ACVR1C: variants seen among roughly 807,000 people sequenced by gnomAD.
ACVR1C encodes the protein activin A receptor type 1C.
Under a neutral mutation model 57.9 loss-of-function variants are expected in ACVR1C, and 23 were observed. The observed-to-expected ratio is 0.40, with a 90% CI of 0.29 to 0.56. The LOEUF (loss-of-function observed/expected upper bound fraction) is 0.56. ACVR1C is among the 20% of genes least tolerant of loss of function. The pLI, the probability that ACVR1C is intolerant of heterozygous loss-of-function variation, is 0.50. For synonymous variants in ACVR1C, 214 were observed against 215.3 expected (o/e 0.99, Z 0.05); for missense variants, 480 against 607.9 (o/e 0.79, Z 2.21).
intron 4 of ACVR1C, 114 bp from the exon 5 acceptor site, chr2:157,544,726 C>T: frequency 1.2e-6 from 1 of 826,440 alleles, no homozygotes; most frequent in Non-Finnish European, 1.8e-6. Flanking sequence ...TTAATTGCTT[C>T]AGTGGTAATG....
chr2:157,559,779 G>C (rs1373307411), intron 2 of ACVR1C, among the ~76,000 whole-genome samples: 2 of 152,068 alleles, frequency 1.3e-5, no homozygotes, highest in African/African-American at 4.8e-5. Flanking sequence ...TGAGGGCCTG[G>C]CTGACGAATA....
chr2:157,599,852 C>T (rs550758904), intron 1 of ACVR1C, among the ~76,000 whole-genome samples: 1 of 152,144 alleles, frequency 6.6e-6, no homozygotes, highest in Non-Finnish European at 1.5e-5. Context: ...AAAGAAAAAA[C>T]ACCACAGGAT....
At chr2:157,564,173 C>T (rs1040023794) in intron 2 of ACVR1C, among the ~76,000 whole-genome samples, 1 of 152,142 alleles carries the variant, frequency 6.6e-6, no homozygotes, top group Non-Finnish European at 1.5e-5. Flanking sequence ...TCAGAGTGAA[C>T]AGGTAACCTA....
At chr2:157,610,701 C>G (rs1326970146) in intron 1 of ACVR1C, among the ~76,000 whole-genome samples, 1 of 152,050 alleles carries the variant, frequency 6.6e-6, no homozygotes, top group Admixed American at 6.6e-5. Context: ...TATTGTGTCC[C>G]ATATATTATG....
At chr2:157,554,349 G>A (rs1395215402) in intron 3 of ACVR1C, among the ~76,000 whole-genome samples, 2 of 119,478 alleles carry the variant, frequency 1.7e-5, no homozygotes, top group South Asian at 5.8e-4. Flanking sequence ...GAGAAAGAAA[G>A]AAAGAGAAAG....
At chr2:157,627,016 C>G (rs145552473) in intron 1 of ACVR1C, among the ~76,000 whole-genome samples, 4 of 152,194 alleles carry the variant, frequency 2.6e-5, no homozygotes, top group African/African-American at 9.6e-5. Context: ...TTGCTATGCT[C>G]AAGGTCTCTG....
At chr2:157,554,221 A>AAGAAAGAAAGAAAGAG (rs1558974881) in intron 3 of ACVR1C, among the ~76,000 whole-genome samples, 9 of 112,776 alleles carry the variant, frequency 8.0e-5, no homozygotes, top group Non-Finnish European at 1.1e-4. Flanking sequence ...GAAAGAAAGA[A>AAGAAAGAAAGAAAGAG]AGAAAGAAAG....
chr2:157,603,917 A>G (rs1306202333), intron 1 of ACVR1C, among the ~76,000 whole-genome samples: 1 of 152,124 alleles, frequency 6.6e-6, no homozygotes, highest in East Asian at 1.9e-4. Context: ...ATGGCAAAAA[A>G]ATAGTACAGG....
intron 2 of ACVR1C, among the ~76,000 whole-genome samples, chr2:157,561,448 C>A (rs1166343732): frequency 1.3e-5 from 2 of 152,186 alleles, no homozygotes; most frequent in African/African-American, 4.8e-5. Context: ...CCACTGTCAA[C>A]TGAATGACGT....
At position 157,581,864 on chromosome 2, in the gene ACVR1C, A is replaced by C. The variant is rs140188360; in HGVS notation, c.304+5323T>G. 1.1e-4 allele frequency among the ~76,000 whole-genome samples: 17 copies of C among 152,340 alleles called. No homozygotes were observed. The East Asian group carries it at 3.3e-3, about 29-fold the overall frequency. On this transcript the variant is annotated intron_variant, in intron 2 of 8. Transcript: ENST00000243349. Reference sequence around the variant, plus strand: ...TGTCTACTTTTCAGAGTACATTTCTATATTTCCTGTTTTGTGATCACTTTG... The same window carrying C: ...TGTCTACTTTTCAGAGTACATTTCTCTATTTCCTGTTTTGTGATCACTTTG...
At chr2:157,608,181 T>C (rs1310869867) in intron 1 of ACVR1C, among the ~76,000 whole-genome samples, 2 of 151,814 alleles carry the variant, frequency 1.3e-5, no homozygotes, top group Non-Finnish European at 1.5e-5. Context: ...TTATTGAGAG[T>C]TTTTCGTCAA....
At chr2:157,594,093 A>C (rs1242362766) in intron 1 of ACVR1C, among the ~76,000 whole-genome samples, 19 of 152,174 alleles carry the variant, frequency 1.2e-4, no homozygotes, top group Admixed American at 1.2e-3. Context: ...AACTGCTTAA[A>C]CTTCCAGCTG....
At chr2:157,545,108 A>G (rs866097668) in intron 4 of ACVR1C, among the ~76,000 whole-genome samples, 34 of 152,332 alleles carry the variant, frequency 2.2e-4, no homozygotes, top group African/African-American at 7.9e-4. Context: ...TATAGAGTTG[A>G]TTATTTTCCC....
Position 157,562,288 on chromosome 2 carries a change from C to T in ACVR1C, c.305-5956G>A, listed in dbSNP as rs551549497. On this transcript the variant is annotated intron_variant, in intron 2 of 8. Coordinates refer to ENST00000243349, the MANE Select transcript of ACVR1C (RefSeq NM_145259.3). ...GCAGCCTAATGACAGAGCAAGACAC[C>T]GTCTCAAAAAAAAAAAAATATATAT... Among the ~76,000 whole-genome samples the T allele has an allele frequency of 4.8e-3, 538 of 112,914 alleles. 2 individuals carry two copies. Among genetic ancestry groups the T allele is most frequent in the Non-Finnish European group, 7.8e-3 (424 of 54,588 alleles). The allele number at this position is 112,914 out of a possible 152,430, so 74.1% of individuals were successfully genotyped here. A position where few individuals can be genotyped will look rare whatever the true frequency, so the allele number is the denominator to read the frequency against.
chr2:157,563,099 A>C (rs1688281425), intron 2 of ACVR1C, among the ~76,000 whole-genome samples: 1 of 152,244 alleles, frequency 6.6e-6, no homozygotes, highest in Non-Finnish European at 1.5e-5. Context: ...TATTGAACAT[A>C]GTATTGGAAG....
At chr2:157,537,032 A>C (rs1687506310) in intron 8 of ACVR1C, among the ~76,000 whole-genome samples, 1 of 152,182 alleles carries the variant, frequency 6.6e-6, no homozygotes, top group South Asian at 2.1e-4. Flanking sequence ...ACTACACAGC[A>C]ATGAAAATGG....
At chr2:157,556,392 A>G in intron 2 of ACVR1C, 60 bp from the exon 3 acceptor site, 1 of 1,592,034 alleles carries the variant, frequency 6.3e-7, no homozygotes, top group Non-Finnish European at 8.6e-7. Flanking sequence ...TATTTTTGGA[A>G]TTGGAATTGC....
chr2:157,541,724 C>T (rs112434747), intron 6 of ACVR1C, among the ~76,000 whole-genome samples: 4 of 152,136 alleles, frequency 2.6e-5, no homozygotes, highest in Non-Finnish European at 4.4e-5. Flanking sequence ...ATAAACTGCC[C>T]GGAAGTGTTC....
chr2:157,620,785 C>T (rs1682755344), intron 1 of ACVR1C, among the ~76,000 whole-genome samples: 1 of 152,008 alleles, frequency 6.6e-6, no homozygotes, highest in African/African-American at 2.4e-5. Context: ...GCTATTTGAA[C>T]ATGTCCATAT....
Sources: allele counts gnomAD v4.1 joint callset (sites outside exome capture counted in the v4.1 genomes callset), GRCh38; gene constraint gnomAD v4.1.1; transcripts MANE v1.5; gene names NCBI Gene and HGNC (gene_info 2026-07-23, HGNC 2026-07-21).